Variants in TTC7A observed in about 807,000 individuals in gnomAD.
TTC7A encodes the protein tetratricopeptide repeat protein 7A.
TTC7A carries 110 observed loss-of-function variants against 103.7 expected under a neutral mutation model. The observed-to-expected ratio is 1.06, with a 90% CI of 0.91 to 1.24. TTC7A has a LOEUF of 1.24. TTC7A is among the 50% of genes most tolerant of loss of function. The probability of loss-of-function intolerance (pLI) is 0.00; values close to 1 mark genes in which losing one functional copy is unlikely to be tolerated. For missense variants in TTC7A, 1,340 were observed against 1,116.3 expected (o/e 1.20, Z -2.86); for synonymous variants, 521 against 467.9 (o/e 1.11, Z -1.47).
intron 2 of TTC7A, among the ~76,000 whole-genome samples, chr2:46,926,591 A>T (rs1163070755): frequency 6.6e-6 from 1 of 152,168 alleles, no homozygotes; most frequent in East Asian, 1.9e-4. Flanking sequence ...AGATTTTTTG[A>T]ATAAGGTGAT....
chr2:47,025,312 C>A (rs1335234001), intron 14 of TTC7A, among the ~76,000 whole-genome samples: 1 of 152,322 alleles, frequency 6.6e-6, no homozygotes, highest in Middle Eastern at 3.4e-3. Context: ...CGGAGGACAC[C>A]ACTGAGGCCG....
At chr2:47,070,521 C>G (rs1252928523) in intron 19 of TTC7A, among the ~76,000 whole-genome samples, 3 of 152,206 alleles carry the variant, frequency 2.0e-5, no homozygotes, top group East Asian at 3.8e-4. Flanking sequence ...GGCTGGGGCG[C>G]TGTCCCTCTC....
At chr2:47,068,817 T>C (rs1475185309) in intron 19 of TTC7A, among the ~76,000 whole-genome samples, 3 of 138,066 alleles carry the variant, frequency 2.2e-5, no homozygotes, top group Non-Finnish European at 4.6e-5. Context: ...ATCAGAATGA[T>C]ACTTGAGCAC....
chr2:47,040,859 G>C (rs954360469), intron 15 of TTC7A, among the ~76,000 whole-genome samples: 1 of 152,330 alleles, frequency 6.6e-6, no homozygotes, highest in South Asian at 2.1e-4. Flanking sequence ...ACTTTGGCTT[G>C]GGTTTCTAAT....
intron 19 of TTC7A, among the ~76,000 whole-genome samples, chr2:47,069,423 A>AC (rs1573097435): frequency 1.3e-5 from 2 of 151,872 alleles, no homozygotes; most frequent in African/African-American, 2.4e-5. Flanking sequence ...ACCCCAGGAG[A>AC]CCCCCACCTA....
intron 17 of TTC7A, among the ~76,000 whole-genome samples, chr2:47,051,316 A>G (rs1395319144): frequency 2.0e-5 from 3 of 152,218 alleles, no homozygotes; most frequent in Non-Finnish European, 2.9e-5. Context: ...TTTTCACCTA[A>G]CTATATAGTG....
intron 18 of TTC7A, 101 bp from the exon 19 acceptor site, chr2:47,060,668 C>T (rs73929369): frequency 7.3e-6 from 8 of 1,093,810 alleles, no homozygotes; most frequent in South Asian, 3.0e-5. Context: ...TAGAGTTTGT[C>T]ACCTAAGACT....
At chr2:46,979,880 C>T (rs1345284298) in intron 5 of TTC7A, among the ~76,000 whole-genome samples, 1 of 152,176 alleles carries the variant, frequency 6.6e-6, no homozygotes. Flanking sequence ...ACATCACTGA[C>T]GAGAGGAGCA....
intron 14 of TTC7A, among the ~76,000 whole-genome samples, chr2:47,026,502 C>G (rs560012019): frequency 6.6e-6 from 1 of 152,126 alleles, no homozygotes; most frequent in Non-Finnish European, 1.5e-5. Flanking sequence ...CAAGGCCCCG[C>G]GAGAAGGGTG....
In TTC7A at chr2:47,074,092, C is replaced by G. The variant is rs1685018626; in HGVS notation, c.*169C>G. On this transcript the variant is annotated 3_prime_UTR_variant, in exon 20 of 20. Coordinates refer to ENST00000319190, the MANE Select transcript of TTC7A (RefSeq NM_020458.4). ...GTTCTCTTGGCTGGGCCAAGAGGGCCTTCCTGGATTTCTTTGTTGGTGCCT... is the reference window on the plus strand; with the variant it reads ...GTTCTCTTGGCTGGGCCAAGAGGGCGTTCCTGGATTTCTTTGTTGGTGCCT... 9.8e-6 allele frequency: 6 copies of G among 609,262 alleles called. No homozygotes were observed. The highest frequency in any genetic ancestry group is 2.0e-5 in the South Asian group (1 of 50,314). The allele number at this position is 609,262 out of a possible 1,614,324, so 37.7% of individuals were successfully genotyped here.
intron 2 of TTC7A, among the ~76,000 whole-genome samples, chr2:46,956,021 C>T (rs564394478): frequency 2.0e-5 from 3 of 152,302 alleles, no homozygotes; most frequent in East Asian, 1.9e-4. Context: ...TCAGAACTCA[C>T]GTGCCAGGGT....
chr2:47,008,863 C>G (rs560769675), intron 10 of TTC7A, among the ~76,000 whole-genome samples: 1 of 150,250 alleles, frequency 6.7e-6, no homozygotes, highest in South Asian at 2.1e-4. Context: ...GCTCTCTGTG[C>G]GGCAATTGCA....
At chr2:47,035,842 G>A (rs140064180) in intron 15 of TTC7A, among the ~76,000 whole-genome samples, 161 of 152,310 alleles carry the variant, frequency 1.1e-3, no homozygotes, top group African/African-American at 3.6e-3. Context: ...GAGAAGGCCT[G>A]TGTCCACAAA....
chr2:47,071,386 G>A (rs991029470), intron 19 of TTC7A, among the ~76,000 whole-genome samples: 1 of 152,108 alleles, frequency 6.6e-6, no homozygotes, highest in African/African-American at 2.4e-5. Flanking sequence ...AGAGAGCCAT[G>A]CCCTCTCCCA....
chr2:47,047,110 G>C (rs565043738), intron 16 of TTC7A, among the ~76,000 whole-genome samples: 1 of 152,312 alleles, frequency 6.6e-6, no homozygotes, highest in Non-Finnish European at 1.5e-5. Context: ...GGGATGCCTA[G>C]GCTTAGCCTA....
intron 6 of TTC7A, 170 bp from the exon 7 acceptor site, chr2:46,994,187 G>A: frequency 1.4e-6 from 1 of 709,084 alleles, no homozygotes. Flanking sequence ...CAGTGTTGGA[G>A]GGACTGAAGG....
rs1240516555 is a variant in TTC7A, at chr2:46,950,015, G to A, written c.185-348G>A. Among the ~76,000 whole-genome samples the A allele has an allele frequency of 3.3e-5, 5 of 152,090 alleles. No homozygotes were observed. The East Asian group carries it at 9.6e-4, about 29-fold the overall frequency. ...AATCATTTGGGGAGAATTCTTCTTGGTTTAAGAACTTATTATCCACAGCAC... is the reference window on the plus strand; with the variant it reads ...AATCATTTGGGGAGAATTCTTCTTGATTTAAGAACTTATTATCCACAGCAC... On this transcript the variant is annotated intron_variant, in intron 1 of 19. Transcript: ENST00000319190.
intron 16 of TTC7A, among the ~76,000 whole-genome samples, chr2:47,048,040 C>T (rs1682502931): frequency 6.6e-6 from 1 of 152,110 alleles, no homozygotes; most frequent in African/African-American, 2.4e-5. Flanking sequence ...CACTATCAGC[C>T]GCACCTTCCA....
At chr2:47,070,807 G>A (rs1366051782) in intron 19 of TTC7A, among the ~76,000 whole-genome samples, 1 of 152,130 alleles carries the variant, frequency 6.6e-6, no homozygotes, top group African/African-American at 2.4e-5. Context: ...AGCCCAAAGC[G>A]CCCCCTTGGA....
Sources: allele counts gnomAD v4.1 joint callset (sites outside exome capture counted in the v4.1 genomes callset), GRCh38; gene constraint gnomAD v4.1.1; transcripts MANE v1.5; gene names NCBI Gene and HGNC (gene_info 2026-07-23, HGNC 2026-07-21).